Variants in KIAA0232 observed in about 807,000 individuals in gnomAD.
KIAA0232 encodes uncharacterized protein KIAA0232.
A neutral mutation model predicts 122.0 loss-of-function variants in KIAA0232; 27 were observed. That is an observed-to-expected ratio of 0.22 (90% confidence interval 0.16 to 0.31). The LOEUF is 0.31. KIAA0232 is among the 10% of genes least tolerant of loss of function. The probability of loss-of-function intolerance (pLI) is 1.00; values close to 1 mark genes in which losing one functional copy is unlikely to be tolerated. For missense variants in KIAA0232, 1,551 were observed against 1,634.2 expected (o/e 0.95, Z 0.88); for synonymous variants, 613 against 587.6 (o/e 1.04, Z -0.63).
In KIAA0232 at chr4:6,847,832, A is replaced by G. The variant is rs975274300; in HGVS notation, c.369+5628A>G. Reference sequence around the variant, plus strand: ...CTGGCATATACCTGGTATTTGTTAAATATATGCAAACCACTCTTCATTTCC... The same window carrying G: ...CTGGCATATACCTGGTATTTGTTAAGTATATGCAAACCACTCTTCATTTCC... On this transcript the variant is annotated intron_variant, in intron 4 of 9. Transcript: ENST00000307659. Among the ~76,000 whole-genome samples, 6 of 149,764 alleles carry G rather than the reference A, an allele frequency of 4.0e-5. No individual in the cohort carries two copies. The South Asian group carries it at 8.5e-4, about 21-fold the overall frequency.
At chr4:6,801,737 C>T (rs189808765) in intron 1 of KIAA0232, among the ~76,000 whole-genome samples, 5 of 151,766 alleles carry the variant, frequency 3.3e-5, no homozygotes, top group Admixed American at 2.6e-4. Flanking sequence ...CTTTAATTAG[C>T]ATATCCATGT....
chr4:6,789,775 C>T (rs942329017), intron 1 of KIAA0232, among the ~76,000 whole-genome samples: 2 of 152,136 alleles, frequency 1.3e-5, no homozygotes, highest in South Asian at 4.1e-4. Context: ...GCCTATAATT[C>T]CAGCACTTTG....
At chr4:6,871,274 A>G (rs949451508) in intron 7 of KIAA0232, among the ~76,000 whole-genome samples, 1 of 152,164 alleles carries the variant, frequency 6.6e-6, no homozygotes, top group Non-Finnish European at 1.5e-5. Flanking sequence ...TTCTACAAAA[A>G]GCACAAAAAA....
Position 6,861,488 on chromosome 4 carries a change from C to G in KIAA0232, c.1106C>G (p.Pro369Arg). ...VKQLCKRGKR[P>R]LKEIGRKDPG... ...CAGCTGTGCAAGCGGGGTAAGAGAC[C>G]TTTAAAAGAAATAGGGAGAAAAGAT... The change falls in exon 7 of 10, where the codon CCT becomes CGT. Residue 369 changes from proline to arginine, a missense_variant. Around this residue, in one of 5 missense-constraint regions of KIAA0232, gnomAD observed 377 missense variants for 381.7 expected, o/e 0.99. Transcript: ENST00000307659. 6.2e-7 allele frequency: 1 copy of G among 1,614,046 alleles called. No individual in the cohort carries two copies.
chr4:6,792,701 T>TG (rs35175367), intron 1 of KIAA0232, among the ~76,000 whole-genome samples: 24 of 150,142 alleles, frequency 1.6e-4, no homozygotes, highest in South Asian at 6.4e-4. Flanking sequence ...TTTTGTTTTT[T>TG]TTTTTTGAGA....
rs912246340 is a variant in KIAA0232 at position 6,880,882 on chromosome 4, C to T, written c.4104C>T (p.Ser1368=). 3.1e-6 allele frequency: 5 copies of T among 1,607,480 alleles called. No homozygotes were observed. Among genetic ancestry groups the T allele is most frequent in the Non-Finnish European group, 4.2e-6 (5 of 1,177,002 alleles). ...GAAAGATGTGCTCCAGCGCCAGCTC[C>T]ACCTCGGAAGAGACAGGCTCAGAAG... ...FRGKMCSSAS[S]TSEETGSEGG... The change falls in exon 10 of 10, where the codon TCC becomes TCT. Residue 1368 remains serine (S), a synonymous_variant. Coordinates refer to ENST00000307659, the MANE Select transcript of KIAA0232 (RefSeq NM_014743.3).
At chr4:6,835,625 G>T (rs547674713) in intron 3 of KIAA0232, among the ~76,000 whole-genome samples, 1 of 151,848 alleles carries the variant, frequency 6.6e-6, no homozygotes, top group South Asian at 2.1e-4. Flanking sequence ...CCAGCTCCCC[G>T]CCTCCCAACA....
chr4:6,796,847 T>C (rs1717155902), intron 1 of KIAA0232, among the ~76,000 whole-genome samples: 1 of 152,204 alleles, frequency 6.6e-6, no homozygotes, highest in Admixed American at 6.5e-5. Flanking sequence ...GCTACCGTGA[T>C]GGGAGGGCTT....
At chr4:6,786,542 A>C (rs942718842) in intron 1 of KIAA0232, among the ~76,000 whole-genome samples, 2 of 152,162 alleles carry the variant, frequency 1.3e-5, no homozygotes, top group Non-Finnish European at 2.9e-5. Flanking sequence ...TCCTGGGCTC[A>C]AGCAATCCTC....
intron 4 of KIAA0232, among the ~76,000 whole-genome samples, chr4:6,849,662 C>T (rs1049905570): frequency 6.6e-6 from 1 of 151,926 alleles, no homozygotes; most frequent in Non-Finnish European, 1.5e-5. Context: ...GCCTGTAGTC[C>T]CAGCTACTCA....
intron 7 of KIAA0232, among the ~76,000 whole-genome samples, chr4:6,865,750 C>T (rs1024075887): frequency 2.0e-5 from 3 of 152,204 alleles, no homozygotes; most frequent in African/African-American, 4.8e-5. Flanking sequence ...AGACTTATTT[C>T]ATATACCACC....
Position 6,871,564 on chromosome 4 carries a change from A to G in KIAA0232, c.3802-10A>G. On this transcript the variant is annotated splice_polypyrimidine_tract_variant and intron_variant, in intron 7 of 9. Transcript: ENST00000307659. ...ATAAACTTTTTCTGTATTTGGTTTA[A>G]TCTAAACAGTTCCCTGTATTGAACA... is the stretch of plus-strand genomic sequence containing the variant. 6.7e-7 allele frequency: 1 copy of G among 1,490,334 alleles called. No homozygotes were observed. Among genetic ancestry groups the G allele is most frequent in the South Asian group, 1.2e-5 (1 of 85,622 alleles). 92.3% of individuals were successfully genotyped at this position (1,490,334 alleles called of 1,614,324 possible).
At chr4:6,837,141 C>T (rs924808946) in intron 3 of KIAA0232, among the ~76,000 whole-genome samples, 1 of 151,884 alleles carries the variant, frequency 6.6e-6, no homozygotes. Context: ...GGGCTGCCCC[C>T]CACCTCCCGA....
chr4:6,800,283 C>T (rs986516376), intron 1 of KIAA0232, among the ~76,000 whole-genome samples: 1 of 147,926 alleles, frequency 6.8e-6, no homozygotes, highest in African/African-American at 2.5e-5. Context: ...GTCTCGAACT[C>T]CTGACCTCAG....
At chr4:6,820,098 T>C (rs1258826578) in intron 2 of KIAA0232, among the ~76,000 whole-genome samples, 5 of 152,114 alleles carry the variant, frequency 3.3e-5, no homozygotes, top group African/African-American at 1.2e-4. Context: ...AAGACTGCTA[T>C]AGTGATGAGG....
rs1722187971 is a variant in KIAA0232, at chr4:6,883,860, A to G, written c.*2894A>G. 1 of 152,214 alleles carries G rather than the reference A, an allele frequency of 6.6e-6. No homozygotes were observed. The highest frequency in any genetic ancestry group is 1.5e-5 in the Non-Finnish European group (1 of 68,038). 9.4% of individuals were successfully genotyped at this position (152,214 alleles called of 1,614,324 possible). ...CCCCTTTCCAGGATTCTGAATGTACAGTATATATGAATGCATACACAGAGA... is the reference window on the plus strand; with the variant it reads ...CCCCTTTCCAGGATTCTGAATGTACGGTATATATGAATGCATACACAGAGA... On this transcript the variant is annotated 3_prime_UTR_variant, in exon 10 of 10. Coordinates refer to ENST00000307659, the MANE Select transcript of KIAA0232 (RefSeq NM_014743.3).
In KIAA0232 at chr4:6,861,122, C is replaced by G. The variant is rs976217414; in HGVS notation, c.740C>G (p.Thr247Ser). 1.2e-6 allele frequency: 2 copies of G among 1,614,106 alleles called. No homozygotes were observed. The highest frequency in any genetic ancestry group is 2.2e-5 in the East Asian group (1 of 44,886). Residue 247 changes from threonine (T) to serine (S), a missense_variant, in exon 7 of 10, where the codon ACC becomes AGC. Thr to Ser is a moderately conservative substitution (Grantham distance 58). Transcript: ENST00000307659. ...SEVPTTVHEKTQSKSKNEKEN... is the reference protein window; with the variant it reads ...SEVPTTVHEKSQSKSKNEKEN... Reference sequence around the variant, plus strand: ...GTACCCACCACTGTGCATGAGAAAACCCAGAGCAAAAGCAAAAACGAGAAG... The same window carrying G: ...GTACCCACCACTGTGCATGAGAAAAGCCAGAGCAAAAGCAAAAACGAGAAG...
intron 1 of KIAA0232, among the ~76,000 whole-genome samples, chr4:6,801,743 C>T (rs1441966635): frequency 2.6e-5 from 4 of 151,844 alleles, no homozygotes; most frequent in Non-Finnish European, 4.4e-5. Context: ...TTAGCATATC[C>T]ATGTTTTTAA....
chr4:6,835,020 G>T (rs1577383143), intron 3 of KIAA0232, among the ~76,000 whole-genome samples: 1 of 152,294 alleles, frequency 6.6e-6, no homozygotes, highest in Admixed American at 6.5e-5. Context: ...GCTTAATTGG[G>T]TGATTCACCC....
Sources: gnomAD v4.1 joint callset for allele counts (sites outside exome capture counted in the v4.1 genomes callset) on GRCh38, gnomAD v4.1.1 for gene constraint, gnomAD v4.1.1 regional missense constraint, MANE v1.5 for transcripts, NCBI Gene and HGNC (gene_info 2026-07-23, HGNC 2026-07-21) for gene names.